Variants in ATRX observed in about 807,000 individuals in gnomAD.
ATRX encodes the protein chromatin remodeler ATRX.
Under a neutral mutation model 172.6 loss-of-function variants are expected in ATRX, and 12 were observed. That is an observed-to-expected ratio of 0.07 (90% CI 0.04 to 0.11). ATRX has a LOEUF of 0.11. Ranked by LOEUF, ATRX falls within the 10% of genes least tolerant of loss-of-function variation. The probability of loss-of-function intolerance (pLI) is 1.00; values close to 1 mark genes in which losing one functional copy is unlikely to be tolerated. For synonymous variants in ATRX, 674 were observed against 594.7 expected (o/e 1.13, Z -1.94); for missense variants, 1,368 against 1,767.4 (o/e 0.77, Z 4.05).
chrX:77,566,394 A>G (rs2065199500), intron 28 of ATRX, among the ~76,000 whole-genome samples: 1 of 112,195 alleles, frequency 8.9e-6, no homozygotes, highest in Non-Finnish European at 1.9e-5. Flanking sequence ...CCAGAATTCT[A>G]TATCCAGCTG....
intron 27 of ATRX, among the ~76,000 whole-genome samples, chrX:77,579,896 A>G (rs965027981): frequency 1.8e-5 from 2 of 112,394 alleles, no homozygotes; most frequent in Admixed American, 1.9e-4. Flanking sequence ...GATTTGAGGA[A>G]ACAATGAAAT....
chrX:77,609,279 C>T (rs1446251588), intron 22 of ATRX, among the ~76,000 whole-genome samples: 1 of 111,543 alleles, frequency 9.0e-6, no homozygotes, highest in African/African-American at 3.3e-5. Context: ...GAGATTGGCA[C>T]TCCTATGTTT....
intron 1 of ATRX, among the ~76,000 whole-genome samples, chrX:77,778,470 C>A (rs1330255305): frequency 1.9e-5 from 2 of 107,570 alleles, no homozygotes; most frequent in African/African-American, 6.8e-5. Context: ...CGCCTGTAAT[C>A]CCAGCACTTT....
At chrX:77,747,087 C>G (rs1478434793) in intron 1 of ATRX, among the ~76,000 whole-genome samples, 1 of 111,352 alleles carries the variant, frequency 9.0e-6, no homozygotes, top group African/African-American at 3.3e-5. Flanking sequence ...GCGTGAGCCA[C>G]CGCGCCCGGC....
rs192343443 is a variant in ATRX, at chrX:77,688,684, T to C, written c.594+134A>G. 1,592 of 520,806 alleles carry C rather than the reference T, an allele frequency of 3.1e-3. 3 individuals carry two copies. Among genetic ancestry groups the C allele is most frequent in the South Asian group, 9.8e-3 (367 of 37,299 alleles). 42.9% of individuals were successfully genotyped at this position (520,806 alleles called of 1,213,427 possible). On this transcript the variant is annotated intron_variant, in intron 7 of 34. Transcript: ENST00000373344. ...GACACTTAGGCTTTGTACGTCTATT[T>C]TCCCCACTATAGTAGAAGTCTTCCA...
rs188160124 is a variant in ATRX, at chrX:77,754,707, C to T, written c.20+31275G>A. Among the ~76,000 whole-genome samples the T allele has an allele frequency of 1.7e-4, 19 of 111,448 alleles. No individual in the cohort carries two copies. The East Asian group carries it at 4.5e-3, about 26-fold the overall frequency. On this transcript the variant is annotated intron_variant, in intron 1 of 34. Coordinates refer to ENST00000373344, the MANE Select transcript of ATRX (RefSeq NM_000489.6). ...CTTGTAGGGTTTCTGCCCAGATATC[C>T]TTCCTCTGGGAGCTTCCCTTTGTGG...
chrX:77,522,234 T>A (rs1557041744), intron 32 of ATRX, 29 bp downstream of exon 32: 5 of 1,209,588 alleles, frequency 4.1e-6, no homozygotes, highest in Non-Finnish European at 4.5e-6. Flanking sequence ...TTAATTCATG[T>A]CAAACTACTT....
intron 10 of ATRX, among the ~76,000 whole-genome samples, chrX:77,668,833 C>T (rs2070393898): frequency 9.8e-6 from 1 of 101,846 alleles, no homozygotes; most frequent in Admixed American, 1.1e-4. Flanking sequence ...AACAAGCAAT[C>T]GGGGAAAAAA....
At chrX:77,707,790 A>G (rs1182307958) in intron 2 of ATRX, among the ~76,000 whole-genome samples, 2 of 111,895 alleles carry the variant, frequency 1.8e-5, no homozygotes, top group Non-Finnish European at 3.8e-5. Flanking sequence ...AGTTTCTCCA[A>G]GGAATATATA....
At chrX:77,619,264 A>G (rs2067485036) in intron 20 of ATRX, among the ~76,000 whole-genome samples, 1 of 111,517 alleles carries the variant, frequency 9.0e-6, no homozygotes, top group African/African-American at 3.3e-5. Flanking sequence ...ATTATTCTTT[A>G]TAAGAGATAT....
At position 77,635,906 on chromosome X, in the gene ATRX, G is replaced by A. The variant is rs782140505; in HGVS notation, c.4699+9C>T. 74 of 1,194,751 alleles carry A rather than the reference G, an allele frequency of 6.2e-5. 1 individual carries two copies. The South Asian group carries it at 1.2e-3, about 20-fold the overall frequency. ...CTAAAAATTATTGAATCATCTAATAGTTTCTTACCATCTACTTGATGGGGT... is the reference window on the plus strand; with the variant it reads ...CTAAAAATTATTGAATCATCTAATAATTTCTTACCATCTACTTGATGGGGT... On this transcript the variant is annotated intron_variant, in intron 16 of 34. Coordinates refer to ENST00000373344, the MANE Select transcript of ATRX (RefSeq NM_000489.6).
chrX:77,603,299 G>A (rs1179790075), intron 22 of ATRX, among the ~76,000 whole-genome samples: 1 of 110,872 alleles, frequency 9.0e-6, no homozygotes, highest in Non-Finnish European at 1.9e-5. Flanking sequence ...AATGACATTG[G>A]TATTTTGATA....
At chrX:77,534,918 C>G (rs1416462856) in intron 30 of ATRX, among the ~76,000 whole-genome samples, 1 of 110,502 alleles carries the variant, frequency 9.0e-6, no homozygotes, top group East Asian at 2.8e-4. Flanking sequence ...GGGGGTTTGC[C>G]ATGTTTCAAA....
chrX:77,584,782 G>A (rs782585349), intron 27 of ATRX, among the ~76,000 whole-genome samples: 3 of 111,042 alleles, frequency 2.7e-5, no homozygotes, highest in Non-Finnish European at 5.7e-5. Flanking sequence ...ACAAGCAGAG[G>A]CAACAAAAGC....
chrX:77,559,374 A>G (rs1602539504), intron 28 of ATRX, among the ~76,000 whole-genome samples: 2 of 92,962 alleles, frequency 2.2e-5, no homozygotes, highest in African/African-American at 1.1e-4. Flanking sequence ...GTGTCTAAAG[A>G]AAAAAAAAAA....
chrX:77,551,085 T>TGGA (rs1557055884), intron 30 of ATRX, among the ~76,000 whole-genome samples: 1 of 111,614 alleles, frequency 9.0e-6, no homozygotes, highest in African/African-American at 3.3e-5. Context: ...AAGCTACCAA[T>TGGA]GACTTTCTTC....
intron 6 of ATRX, chrX:77,690,782 C>T (rs1319871038): frequency 8.9e-6 from 1 of 112,238 alleles, no homozygotes; most frequent in Non-Finnish European, 1.9e-5. Flanking sequence ...GAATGTTCAT[C>T]CAGTGTTAAG....
intron 27 of ATRX, among the ~76,000 whole-genome samples, chrX:77,580,064 AAAAG>A (rs2065773673): frequency 8.9e-6 from 1 of 112,142 alleles, no homozygotes; most frequent in Admixed American, 9.5e-5. Flanking sequence ...TTGATAAAGC[AAAAG>A]AAAGAATTAG....
Position 77,654,220 on chromosome X carries a change from CAAAAT to C in ATRX, c.4215-25_4215-21del, listed in dbSNP as rs782185049. 2 of 1,132,482 alleles carry C rather than the reference CAAAAT, an allele frequency of 1.8e-6. No individual in the cohort carries two copies. Among genetic ancestry groups the C allele is most frequent in the South Asian group, 1.8e-5 (1 of 55,157 alleles). 93.3% of individuals were successfully genotyped at this position (1,132,482 alleles called of 1,213,427 possible). ...GCAGACCTGACGAAAATTTAAAACA[CAAAAT>C]AAAATATTTCATGATAAACTTCCAT... On this transcript the variant is annotated intron_variant, in intron 13 of 34. Transcript: ENST00000373344.
Sources: gnomAD v4.1 joint callset for allele counts (sites outside exome capture counted in the v4.1 genomes callset) on GRCh38, gnomAD v4.1.1 for gene constraint, MANE v1.5 for transcripts, NCBI Gene and HGNC (gene_info 2026-07-23, HGNC 2026-07-21) for gene names.